The following HELZ variants were observed in gnomAD, a reference collection of about 807,000 sequenced individuals.
HELZ encodes the protein helicase with zinc finger, also known as ATP-dependent RNA helicase with zinc finger domain.
In HELZ, 23 loss-of-function variants were observed where a neutral mutation model predicts 218.2. The ratio of observed to expected loss-of-function variants is 0.11; its 90% CI spans 0.08 to 0.15. The LOEUF (loss-of-function observed/expected upper bound fraction) is 0.15, where lower values mean the gene tolerates loss of function less well. HELZ is among the 10% of genes least tolerant of loss of function. HELZ has a pLI of 1.00. For synonymous variants in HELZ, 814 were observed against 829.4 expected, an observed-to-expected ratio of 0.98 and a Z score of 0.32; for missense variants, 1,813 against 2,353.7, an observed-to-expected ratio of 0.77 and a Z score of 4.75.
intron 30 of HELZ, 96 bp from the exon 31 acceptor site, chr17:67,107,781 T>A: frequency 9.4e-7 from 1 of 1,060,744 alleles, no homozygotes; most frequent in Non-Finnish European, 1.4e-6. Context: ...ACAAACAAAA[T>A]CATAGTACTA....
intron 31 of HELZ, among the ~76,000 whole-genome samples, chr17:67,090,601 T>C (rs1337059790): frequency 1.3e-5 from 2 of 152,158 alleles, no homozygotes; most frequent in African/African-American, 4.8e-5. Flanking sequence ...ATGCCATCTA[T>C]TTCATCTTTG....
intron 25 of HELZ, 67 bp from the exon 26 acceptor site, chr17:67,123,227 A>C: frequency 1.1e-6 from 1 of 908,294 alleles, no homozygotes; most frequent in Non-Finnish European, 1.6e-6. Context: ...AAATAATTTA[A>C]ATCATTCAAC....
In HELZ at chr17:67,120,442, C is replaced by T. The variant is rs774324294; in HGVS notation, c.3801G>A (p.Gln1267=). ...GCTCATGTTGATCCTTCTCCTGATGCTGATTTTGTGGCTGGCCTATGGTGA... is the reference window on the plus strand; with the variant it reads ...GCTCATGTTGATCCTTCTCCTGATGTTGATTTTGTGGCTGGCCTATGGTGA... ...PPVTIGQPQN[Q]HQEKDQHEQN... is the part of the protein sequence containing the mutation. The change falls in exon 27 of 33, where the codon CAG becomes CAA. Residue 1267 remains glutamine (Q), a synonymous_variant. Transcript: ENST00000358691. The T allele has an allele frequency of 4.3e-6, 7 of 1,613,958 alleles. No homozygotes were observed. In the African/African-American group the frequency reaches 6.7e-5, roughly 15 times the overall value.
At position 67,128,754 on chromosome 17, in the gene HELZ, T is replaced by C. The variant is rs544025750; in HGVS notation, c.3284A>G (p.Lys1095Arg). The change falls in exon 24 of 33, where the codon AAG becomes AGG. Residue 1095 changes from lysine to arginine, a missense_variant. Lys to Arg is a conservative substitution (Grantham distance 26). Transcript: ENST00000358691. ...IKAQLEALEL[K>R]KTYVLNPLAP... Reference sequence around the variant, plus strand: ...CAGCGGATTCAACACATATGTCTTCTTTAGTTCTAAAGCCTCTAACTGGGC... The same window carrying C: ...CAGCGGATTCAACACATATGTCTTCCTTAGTTCTAAAGCCTCTAACTGGGC... 1.2e-6 allele frequency: 2 copies of C among 1,614,106 alleles called. No individual in the cohort carries two copies. Among genetic ancestry groups the C allele is most frequent in the African/African-American group, 2.7e-5 (2 of 75,044 alleles).
chr17:67,195,487 G>A lies in HELZ; in HGVS notation c.430-17C>T. On this transcript the variant is annotated splice_polypyrimidine_tract_variant and intron_variant, in intron 7 of 32. Transcript: ENST00000358691. ...AGTTGCTGTCTGCAATTTTCCAAAT[G>A]AAAGAATTTTTTAAACAAGAATAAC... is the stretch of plus-strand genomic sequence containing the variant. The A allele has an allele frequency of 6.5e-7, 1 of 1,544,086 alleles. No individual in the cohort carries two copies.
intron 17 of HELZ, among the ~76,000 whole-genome samples, chr17:67,157,662 A>G (rs2144092081): frequency 1.3e-5 from 2 of 152,324 alleles, no homozygotes; most frequent in East Asian, 3.9e-4. Flanking sequence ...CACATATCCC[A>G]CACGAATTAT....
At chr17:67,215,643 G>A (rs868307265) in intron 5 of HELZ, 39 of 465,762 alleles carry the variant, frequency 8.4e-5, no homozygotes, top group East Asian at 7.3e-4. Flanking sequence ...CACCACACCC[G>A]GCCTCACACA....
intron 12 of HELZ, among the ~76,000 whole-genome samples, chr17:67,180,060 A>C (rs982408482): frequency 1.3e-5 from 2 of 152,188 alleles, no homozygotes; most frequent in African/African-American, 4.8e-5. Flanking sequence ...AATCTTAGTA[A>C]TTTCTAACCT....
At chr17:67,204,050 T>C (rs2040235758) in intron 5 of HELZ, among the ~76,000 whole-genome samples, 1 of 152,238 alleles carries the variant, frequency 6.6e-6, no homozygotes, top group African/African-American at 2.4e-5. Context: ...TTTGAGATGA[T>C]TTCTCACAGC....
At chr17:67,170,826 C>CAAAA in intron 13 of HELZ, among the ~76,000 whole-genome samples, 1 of 119,338 alleles carries the variant, frequency 8.4e-6, no homozygotes, top group African/African-American at 3.4e-5. Context: ...GACTCCATCT[C>CAAAA]AAAAAAAAAA....
At chr17:67,243,481 A>G (rs1316341551) in intron 2 of HELZ, among the ~76,000 whole-genome samples, 1 of 152,250 alleles carries the variant, frequency 6.6e-6, no homozygotes, top group Non-Finnish European at 1.5e-5. Context: ...GTTACGCAAG[A>G]AAATTTGAAT....
At chr17:67,091,773 G>A (rs993096387) in intron 31 of HELZ, among the ~76,000 whole-genome samples, 2 of 152,070 alleles carry the variant, frequency 1.3e-5, no homozygotes, top group African/African-American at 2.4e-5. Flanking sequence ...GATTTAATAA[G>A]CTGCATTTTT....
intron 31 of HELZ, among the ~76,000 whole-genome samples, chr17:67,090,971 T>C (rs1004931323): frequency 2.0e-5 from 3 of 152,130 alleles, no homozygotes; most frequent in South Asian, 2.1e-4. Flanking sequence ...GTTTTGATTA[T>C]TGATCTGAGA....
intron 20 of HELZ, among the ~76,000 whole-genome samples, chr17:67,147,862 C>T (rs140902556): frequency 0.013 from 1,999 of 152,334 alleles, 20 homozygotes; most frequent in Non-Finnish European, 0.02. Context: ...TCGAAAGCCT[C>T]TAGAAAGCTG....
intron 3 of HELZ, among the ~76,000 whole-genome samples, chr17:67,228,363 A>G (rs117008842): frequency 6.6e-6 from 1 of 152,324 alleles, no homozygotes; most frequent in Non-Finnish European, 1.5e-5. Flanking sequence ...AATTCTTCTA[A>G]TTGCTTTCCT....
intron 1 of HELZ, chr17:67,244,563 A>G: frequency 1.1e-6 from 1 of 870,118 alleles, no homozygotes; most frequent in Non-Finnish European, 1.4e-6. Flanking sequence ...TGGGCCAAAG[A>G]GCATTTCCGA....
In HELZ at chr17:67,077,538, G is replaced by A. The variant is rs1379247193; in HGVS notation, c.*714C>T. 1.3e-5 allele frequency: 2 copies of A among 151,670 alleles called. No individual in the cohort carries two copies. The highest frequency in any genetic ancestry group is 2.9e-5 in the Non-Finnish European group (2 of 67,860). The allele number at this position is 151,670 out of a possible 1,614,324, so 9.4% of individuals were successfully genotyped here. On this transcript the variant is annotated 3_prime_UTR_variant, in exon 33 of 33. Transcript: ENST00000358691. ...TTAACATTAAAAACAAGCTTGAAGT[G>A]TAGCTTGTCCAAAAAATAACTAAGT...
At chr17:67,118,334 C>A (rs1352265937) in intron 27 of HELZ, among the ~76,000 whole-genome samples, 1 of 152,128 alleles carries the variant, frequency 6.6e-6, no homozygotes, top group Admixed American at 6.5e-5. Flanking sequence ...ACAACAAAAT[C>A]TCAGTCCTTA....
intron 3 of HELZ, among the ~76,000 whole-genome samples, chr17:67,226,631 A>G (rs375792516): frequency 6.6e-6 from 1 of 152,218 alleles, no homozygotes; most frequent in African/African-American, 2.4e-5. Context: ...ATGACCCAGC[A>G]ATCCCCTTCG....
Sources: allele counts gnomAD v4.1 joint callset (sites outside exome capture counted in the v4.1 genomes callset), GRCh38; gene constraint gnomAD v4.1.1; transcripts MANE v1.5; gene names NCBI Gene and HGNC (gene_info 2026-07-23, HGNC 2026-07-21).